SORCS2: variants seen among roughly 807,000 people sequenced by gnomAD.
The protein encoded by SORCS2 is sortilin related VPS10 domain containing receptor 2, also known as VPS10 domain-containing receptor SorCS2.
SORCS2 carries 100 observed loss-of-function variants against 141.6 expected under a neutral mutation model. The ratio of observed to expected loss-of-function variants is 0.71; its 90% CI spans 0.60 to 0.83. SORCS2 has a LOEUF of 0.83. Ranked by LOEUF, SORCS2 falls within the 40% of genes least tolerant of loss-of-function variation. The pLI is 0.00. For synonymous variants in SORCS2, 789 were observed against 676.9 expected, an observed-to-expected ratio of 1.17 and a Z score of -2.57; for missense variants, 1,646 against 1,560.2, an observed-to-expected ratio of 1.05 and a Z score of -0.93.
chr4:7,701,238 A>G (rs1027418153), intron 12 of SORCS2, among the ~76,000 whole-genome samples: 2 of 151,700 alleles, frequency 1.3e-5, no homozygotes, highest in East Asian at 1.9e-4. Context: ...GGAGAGAGAG[A>G]AAAAAGGAGA....
intron 1 of SORCS2, among the ~76,000 whole-genome samples, chr4:7,231,807 G>A: frequency 6.6e-6 from 1 of 152,188 alleles, no homozygotes. Context: ...GGTGTGGGTG[G>A]TCAGCAGAGG....
intron 2 of SORCS2, among the ~76,000 whole-genome samples, chr4:7,427,955 G>A (rs889458936): frequency 3.9e-5 from 6 of 152,112 alleles, no homozygotes; most frequent in Non-Finnish European, 8.8e-5. Context: ...AGGGCGGGGG[G>A]ATGGAGGTTG....
chr4:7,640,551 C>T (rs964234296), intron 4 of SORCS2, among the ~76,000 whole-genome samples: 3 of 61,108 alleles, frequency 4.9e-5, no homozygotes, highest in Admixed American at 4.0e-4. Context: ...TGTAGATCTC[C>T]CTCTGCGCCT....
chr4:7,608,025 A>C (rs11937918), intron 3 of SORCS2, among the ~76,000 whole-genome samples: 33,484 of 151,994 alleles, frequency 0.22, 4,635 homozygotes, highest in Non-Finnish European at 0.32. Flanking sequence ...AGGACATGCC[A>C]TGCCCTGCCA....
chr4:7,409,163 A>T (rs1725152093), intron 2 of SORCS2, among the ~76,000 whole-genome samples: 1 of 152,008 alleles, frequency 6.6e-6, no homozygotes. Flanking sequence ...GCATTAAAGG[A>T]TTCATTATTT....
intron 1 of SORCS2, among the ~76,000 whole-genome samples, chr4:7,312,401 G>A (rs1026759172): frequency 1.3e-5 from 2 of 152,126 alleles, no homozygotes; most frequent in Non-Finnish European, 2.9e-5. Flanking sequence ...CCCCTCATGG[G>A]TTTTGCTCGG....
intron 1 of SORCS2, among the ~76,000 whole-genome samples, chr4:7,217,316 C>G (rs1009286305): frequency 4.6e-5 from 7 of 152,306 alleles, no homozygotes; most frequent in African/African-American, 1.7e-4. Flanking sequence ...TCAGGCATCA[C>G]AGTGCTCAGT....
chr4:7,622,778 C>T (rs1373690827), intron 3 of SORCS2, among the ~76,000 whole-genome samples: 1 of 152,158 alleles, frequency 6.6e-6, no homozygotes, highest in East Asian at 1.9e-4. Context: ...GTAGAGAACC[C>T]CTGGGAAATC....
chr4:7,370,650 C>A (rs1722190948), intron 1 of SORCS2, among the ~76,000 whole-genome samples: 1 of 152,222 alleles, frequency 6.6e-6, no homozygotes, highest in Non-Finnish European at 1.5e-5. Flanking sequence ...CTGGCGCGGC[C>A]CCTGCCTGCC....
chr4:7,446,805 G>A (rs970199242), intron 2 of SORCS2, among the ~76,000 whole-genome samples: 14 of 152,360 alleles, frequency 9.2e-5, no homozygotes, highest in African/African-American at 2.9e-4. Flanking sequence ...GGGAAACCCC[G>A]GGACATGGAG....
intron 2 of SORCS2, among the ~76,000 whole-genome samples, chr4:7,524,887 G>C (rs1733571332): frequency 6.6e-6 from 1 of 152,184 alleles, no homozygotes; most frequent in Non-Finnish European, 1.5e-5. Context: ...GCACCGCAGA[G>C]AGAAACATGC....
At position 7,335,571 on chromosome 4, in the gene SORCS2, C is replaced by T. The variant is rs558595019; in HGVS notation, c.481-60717C>T. Among the ~76,000 whole-genome samples the T allele has an allele frequency of 3.3e-5, 5 of 152,346 alleles. No homozygotes were observed. In the South Asian group the frequency reaches 1.0e-3, roughly 32 times the overall value. On this transcript the variant is annotated intron_variant, in intron 1 of 26. Transcript: ENST00000507866. Reference sequence around the variant, plus strand: ...TCGGGGCACCCGAGGACGGCCAGTTCAGGAGGCAGCTGCAGTCTTGCTGGA... The same window carrying T: ...TCGGGGCACCCGAGGACGGCCAGTTTAGGAGGCAGCTGCAGTCTTGCTGGA...
At chr4:7,445,489 G>A (rs1727927491) in intron 2 of SORCS2, among the ~76,000 whole-genome samples, 1 of 152,186 alleles carries the variant, frequency 6.6e-6, no homozygotes, top group Admixed American at 6.5e-5. Flanking sequence ...CCCTCCATGA[G>A]TGGAAGAAGG....
At chr4:7,413,663 C>T (rs1725476308) in intron 2 of SORCS2, among the ~76,000 whole-genome samples, 1 of 152,172 alleles carries the variant, frequency 6.6e-6, no homozygotes, top group Admixed American at 6.5e-5. Flanking sequence ...GCTGGGATTA[C>T]AGGCGTGAGC....
intron 1 of SORCS2, among the ~76,000 whole-genome samples, chr4:7,304,423 C>G (rs773472069): frequency 1.3e-5 from 2 of 152,212 alleles, no homozygotes; most frequent in Non-Finnish European, 2.9e-5. Context: ...TTTAGCATCT[C>G]TTTTGCAGGA....
intron 2 of SORCS2, among the ~76,000 whole-genome samples, chr4:7,510,260 C>G (rs4403049): frequency 0.54 from 82,576 of 152,156 alleles, 25,272 homozygotes; most frequent in East Asian, 0.99. Flanking sequence ...CGCTGAGTGT[C>G]CGGGTGGGTC....
At chr4:7,628,668 G>A (rs139103359) in intron 3 of SORCS2, among the ~76,000 whole-genome samples, 10 of 152,222 alleles carry the variant, frequency 6.6e-5, no homozygotes, top group South Asian at 6.2e-4. Flanking sequence ...TGACCATGTG[G>A]CCTCGTGCGG....
At chr4:7,524,064 A>G (rs1160468426) in intron 2 of SORCS2, among the ~76,000 whole-genome samples, 1 of 152,246 alleles carries the variant, frequency 6.6e-6, no homozygotes, top group Non-Finnish European at 1.5e-5. Context: ...CTCATGTAGA[A>G]TAGAAGCTCA....
intron 1 of SORCS2, among the ~76,000 whole-genome samples, chr4:7,325,205 A>C (rs896951599): frequency 1.3e-5 from 2 of 151,990 alleles, no homozygotes; most frequent in Admixed American, 1.3e-4. Context: ...GGGGCTTTTC[A>C]TCTTGGCTCT....
Sources: gnomAD v4.1 joint callset for allele counts (sites outside exome capture counted in the v4.1 genomes callset) on GRCh38, gnomAD v4.1.1 for gene constraint, MANE v1.5 for transcripts, NCBI Gene and HGNC (gene_info 2026-07-23, HGNC 2026-07-21) for gene names.